KCNIP1: variants seen among roughly 807,000 people sequenced by gnomAD.
KCNIP1 encodes A-type potassium channel modulatory protein KCNIP1.
KCNIP1 carries 18 observed loss-of-function variants against 33.0 expected under a neutral mutation model. The ratio of observed to expected loss-of-function variants is 0.55; its 90% CI spans 0.38 to 0.81. KCNIP1 has a LOEUF of 0.81. Among genes scored for constraint, KCNIP1 ranks in the 30% least tolerant of loss-of-function variants. The probability of loss-of-function intolerance (pLI) is 0.00; values close to 1 mark genes in which losing one functional copy is unlikely to be tolerated. For missense variants in KCNIP1, 238 were observed against 271.6 expected (o/e 0.88, Z 0.87); for synonymous variants, 93 against 98.3 (o/e 0.95, Z 0.32).
intron 1 of KCNIP1, among the ~76,000 whole-genome samples, chr5:170,365,618 C>G (rs75095598): frequency 1.3e-5 from 2 of 152,180 alleles, no homozygotes; most frequent in Admixed American, 6.5e-5. Flanking sequence ...CAGTCACCAG[C>G]GAAGGCATCT....
intron 1 of KCNIP1, chr5:170,378,987 CAA>C (rs1561593379): frequency 1.2e-6 from 2 of 1,611,796 alleles, no homozygotes; most frequent in Non-Finnish European, 1.7e-6. Flanking sequence ...TGGGGAGAAA[CAA>C]GAGCAGCTGT....
intron 1 of KCNIP1, among the ~76,000 whole-genome samples, chr5:170,451,723 T>TTGTGTGTGTGTGTGTGTGTGTGTGTGTG (rs67542248): frequency 3.3e-5 from 4 of 122,902 alleles, no homozygotes; most frequent in Non-Finnish European, 5.1e-5. Context: ...TTCTCCTGCA[T>TTGTGTGTGTGTGTGTGTGTGTGTGTGTG]TGTGTGTGTG....
At chr5:170,439,985 G>A (rs998468172) in intron 1 of KCNIP1, among the ~76,000 whole-genome samples, 3 of 152,220 alleles carry the variant, frequency 2.0e-5, no homozygotes, top group Admixed American at 1.3e-4. Flanking sequence ...CTGAAGGCAG[G>A]ACCTTGCAAT....
intron 1 of KCNIP1, among the ~76,000 whole-genome samples, chr5:170,398,637 A>C (rs920953559): frequency 2.6e-5 from 4 of 152,228 alleles, no homozygotes; most frequent in African/African-American, 9.6e-5. Flanking sequence ...ATAAATAAGA[A>C]GCCCCTGTTT....
intron 1 of KCNIP1, among the ~76,000 whole-genome samples, chr5:170,603,442 T>A (rs62394330): frequency 0.32 from 48,473 of 152,130 alleles, 8,786 homozygotes; most frequent in Non-Finnish European, 0.42. Context: ...GAGCTCCTGC[T>A]GTGTGGCAGG....
At chr5:170,564,674 A>G (rs767603241) in intron 1 of KCNIP1, among the ~76,000 whole-genome samples, 6 of 152,150 alleles carry the variant, frequency 3.9e-5, no homozygotes, top group Non-Finnish European at 7.3e-5. Flanking sequence ...TGTTCTTGCC[A>G]TGGGAGGTGG....
intron 1 of KCNIP1, among the ~76,000 whole-genome samples, chr5:170,570,872 C>T (rs1757382061): frequency 6.6e-6 from 1 of 152,200 alleles, no homozygotes; most frequent in South Asian, 2.1e-4. Context: ...ATTAAGTCCC[C>T]CACTAAGTGC....
chr5:170,619,953 G>A (rs973968051), intron 1 of KCNIP1, among the ~76,000 whole-genome samples: 4 of 152,152 alleles, frequency 2.6e-5, no homozygotes, highest in Non-Finnish European at 5.9e-5. Flanking sequence ...GGAGAGAGAG[G>A]CAACAGAGCC....
At chr5:170,640,412 A>G (rs536587729) in intron 1 of KCNIP1, among the ~76,000 whole-genome samples, 2 of 152,182 alleles carry the variant, frequency 1.3e-5, no homozygotes, top group Non-Finnish European at 2.9e-5. Context: ...ACAAGTTTGC[A>G]CCTGGAGCCG....
chr5:170,393,388 T>A (rs966455443), intron 1 of KCNIP1, among the ~76,000 whole-genome samples: 1 of 152,206 alleles, frequency 6.6e-6, no homozygotes, highest in African/African-American at 2.4e-5. Flanking sequence ...TGTGCCTCTC[T>A]GAGTGCTGCA....
chr5:170,590,251 T>C (rs1291701281), intron 1 of KCNIP1, among the ~76,000 whole-genome samples: 1 of 152,126 alleles, frequency 6.6e-6, no homozygotes, highest in Non-Finnish European at 1.5e-5. Context: ...AGTATCTGGA[T>C]ACCCAGTTTG....
At chr5:170,358,735 C>A (rs1763416096) in intron 1 of KCNIP1, among the ~76,000 whole-genome samples, 1 of 152,234 alleles carries the variant, frequency 6.6e-6, no homozygotes, top group Non-Finnish European at 1.5e-5. Context: ...TTCCTTGCCT[C>A]TTTCTAGTCT....
intron 1 of KCNIP1, among the ~76,000 whole-genome samples, chr5:170,510,561 A>G (rs910813832): frequency 6.6e-6 from 1 of 152,200 alleles, no homozygotes; most frequent in Non-Finnish European, 1.5e-5. Flanking sequence ...GAGAGAGCCT[A>G]AGAGTCCTAG....
At chr5:170,523,426 A>G (rs1391592118) in intron 1 of KCNIP1, among the ~76,000 whole-genome samples, 1 of 152,224 alleles carries the variant, frequency 6.6e-6, no homozygotes, top group Non-Finnish European at 1.5e-5. Context: ...GGCTGGTGCC[A>G]GAGTAGAAAG....
chr5:170,627,296 G>A lies in KCNIP1; in HGVS notation c.62-91462G>A, dbSNP rs181486395. 2.6e-3 allele frequency among the ~76,000 whole-genome samples: 394 copies of A among 152,276 alleles called. 2 individuals carry two copies. The highest frequency in any genetic ancestry group is 9.0e-3 in the African/African-American group (373 of 41,550). On this transcript the variant is annotated intron_variant, in intron 1 of 7. Coordinates refer to ENST00000328939, the MANE Select transcript of KCNIP1 (RefSeq NM_014592.4). ...GGAAAAATAAATAAATAATGTACCTGGTAACTGAGAGAGTTCCCTCTGCAT... is the reference window on the plus strand; with the variant it reads ...GGAAAAATAAATAAATAATGTACCTAGTAACTGAGAGAGTTCCCTCTGCAT...
intron 1 of KCNIP1, among the ~76,000 whole-genome samples, chr5:170,613,624 A>G (rs1337859138): frequency 6.6e-6 from 1 of 152,182 alleles, no homozygotes; most frequent in Admixed American, 6.5e-5. Context: ...GAAGGGAAGA[A>G]AAGGAGGCGG....
rs370790721 is a variant in KCNIP1 at position 170,560,059 on chromosome 5, GTGC to G, written c.61+55427_61+55429del. On this transcript the variant is annotated intron_variant, in intron 1 of 7. Transcript: ENST00000328939. ...CATAGATGATGTTCAGTATTATGCT[GTGC>G]AATGTAGATGCTTCCTAAACCTTCT... Among the ~76,000 whole-genome samples the G allele has an allele frequency of 1.1e-4, 16 of 152,292 alleles. No homozygotes were observed. The East Asian group carries it at 3.1e-3, about 29-fold the overall frequency.
chr5:170,539,828 G>T (rs955088850), intron 1 of KCNIP1, among the ~76,000 whole-genome samples: 4 of 152,104 alleles, frequency 2.6e-5, no homozygotes, highest in Non-Finnish European at 5.9e-5. Context: ...GGGGGGAATA[G>T]GTTCTTTGGT....
At chr5:170,431,867 G>T (rs1221471918) in intron 1 of KCNIP1, among the ~76,000 whole-genome samples, 2 of 152,202 alleles carry the variant, frequency 1.3e-5, no homozygotes, top group Non-Finnish European at 2.9e-5. Context: ...ACTTCCTTCT[G>T]TCTCTGCCTC....
Sources: allele counts gnomAD v4.1 joint callset (sites outside exome capture counted in the v4.1 genomes callset), GRCh38; gene constraint gnomAD v4.1.1; transcripts MANE v1.5; gene names NCBI Gene and HGNC (gene_info 2026-07-23, HGNC 2026-07-21).